Variants in MOCOS observed in about 807,000 individuals in gnomAD.
The protein encoded by MOCOS is human molybdenum cofactor sulfurase.
In MOCOS, 86 loss-of-function variants were observed where a neutral mutation model predicts 83.6. The ratio of observed to expected loss-of-function variants is 1.03; its 90% confidence interval spans 0.86 to 1.23. The LOEUF (loss-of-function observed/expected upper bound fraction) is 1.23, where lower values mean the gene tolerates loss of function less well. MOCOS is among the 50% of genes most tolerant of loss of function. The probability of loss-of-function intolerance (pLI) is 0.00; values close to 1 mark genes in which losing one functional copy is unlikely to be tolerated. For synonymous variants in MOCOS, 445 were observed against 434.7 expected (o/e 1.02, Z -0.29); for missense variants, 1,120 against 1,126.9 (o/e 0.99, Z 0.09).
intron 1 of MOCOS, among the ~76,000 whole-genome samples, chr18:36,191,754 A>G (rs889537024): frequency 5.4e-5 from 5 of 92,644 alleles, no homozygotes; most frequent in African/African-American, 1.2e-4. Flanking sequence ...ACGTGTGCAC[A>G]CACACACACA....
Position 36,240,090 on chromosome 18 carries a change from G to A in MOCOS, c.1961-8832G>A, listed in dbSNP as rs879650322. Among the ~76,000 whole-genome samples, 883 of 124,962 alleles carry A rather than the reference G, an allele frequency of 7.1e-3. 9 individuals carry two copies. Among genetic ancestry groups the A allele is most frequent in the African/African-American group, 0.026 (826 of 31,754 alleles). 82.0% of individuals were successfully genotyped at this position (124,962 alleles called of 152,430 possible). A position where few individuals can be genotyped will look rare whatever the true frequency, so the allele number is the denominator to read the frequency against. ...TTGCCTTTGGTTTGAATGTCCTCCC[G>A]TAGCTCAGAGTAATTTGATCGTCTG... is the stretch of plus-strand genomic sequence containing the variant. On this transcript the variant is annotated intron_variant, in intron 9 of 14. Transcript: ENST00000261326.
intron 1 of MOCOS, chr18:36,190,269 A>G (rs2091359781): frequency 6.6e-6 from 1 of 152,182 alleles, no homozygotes; most frequent in Non-Finnish European, 1.5e-5. Context: ...TTGTTTTAAA[A>G]GTATCTTTTT....
chr18:36,194,280 A>G (rs2091378126), intron 1 of MOCOS, among the ~76,000 whole-genome samples: 1 of 152,240 alleles, frequency 6.6e-6, no homozygotes, highest in African/African-American at 2.4e-5. Context: ...ATTTTATGTT[A>G]TATCTCAATA....
intron 4 of MOCOS, among the ~76,000 whole-genome samples, chr18:36,200,527 C>T (rs907407599): frequency 6.6e-6 from 1 of 152,078 alleles, no homozygotes; most frequent in African/African-American, 2.4e-5. Flanking sequence ...TGAACTCTAC[C>T]CCCATTTGAG....
At chr18:36,239,916 G>T (rs1239233824) in intron 9 of MOCOS, among the ~76,000 whole-genome samples, 6 of 151,514 alleles carry the variant, frequency 4.0e-5, no homozygotes, top group Non-Finnish European at 7.4e-5. Context: ...CTTTCTTCCA[G>T]TTGATCACAT....
Position 36,193,243 on chromosome 18 carries a change from G to A in MOCOS, c.143-2014G>A, listed in dbSNP as rs868420146. 1.5e-4 allele frequency among the ~76,000 whole-genome samples: 22 copies of A among 145,084 alleles called. No individual in the cohort carries two copies. In the South Asian group the frequency reaches 4.1e-3, roughly 27 times the overall value. On this transcript the variant is annotated intron_variant, in intron 1 of 14. Coordinates refer to ENST00000261326, the MANE Select transcript of MOCOS (RefSeq NM_017947.4). ...GGAGAATGGTGTGAACCCGGGAAGC[G>A]GAGCTTGCAGTGAGCCGAGATTGCG...
At chr18:36,216,085 T>G (rs1330458242) in intron 8 of MOCOS, 108 bp downstream of exon 8, 2 of 1,210,664 alleles carry the variant, frequency 1.7e-6, no homozygotes, top group Non-Finnish European at 2.3e-6. Flanking sequence ...CATCAGAGTG[T>G]TGTGGTGAGA....
chr18:36,195,232 G>A (rs1013753907), intron 1 of MOCOS, 25 bp from the exon 2 acceptor site: 1 of 1,602,564 alleles, frequency 6.2e-7, no homozygotes, highest in Non-Finnish European at 8.5e-7. Flanking sequence ...TAAAATTTTA[G>A]TATTTATTTT....
At chr18:36,207,223 G>C (rs1598874753) in intron 6 of MOCOS, among the ~76,000 whole-genome samples, 1 of 152,114 alleles carries the variant, frequency 6.6e-6, no homozygotes, top group Non-Finnish European at 1.5e-5. Context: ...TTTTAGTAGA[G>C]ACAGGGTTTC....
chr18:36,205,689 GGT>G (rs2091432177), intron 6 of MOCOS, among the ~76,000 whole-genome samples: 1 of 152,106 alleles, frequency 6.6e-6, no homozygotes, highest in African/African-American at 2.4e-5. Context: ...TCAATCGTTG[GGT>G]GTTTGGAAGA....
At chr18:36,241,017 A>T (rs1317460456) in intron 9 of MOCOS, among the ~76,000 whole-genome samples, 1 of 152,028 alleles carries the variant, frequency 6.6e-6, no homozygotes, top group Non-Finnish European at 1.5e-5. Context: ...GCACCCACTG[A>T]CCTGCACCCA....
intron 11 of MOCOS, among the ~76,000 whole-genome samples, chr18:36,254,764 A>G (rs1006494257): frequency 1.3e-5 from 2 of 151,942 alleles, no homozygotes; most frequent in Non-Finnish European, 2.9e-5. Context: ...ATTGACTACT[A>G]CCCTATCATA....
chr18:36,223,647 A>T (rs1871439407), intron 9 of MOCOS, among the ~76,000 whole-genome samples: 1 of 152,170 alleles, frequency 6.6e-6, no homozygotes, highest in Non-Finnish European at 1.5e-5. Context: ...TGCGATTTTG[A>T]TAGGGATTGC....
chr18:36,238,148 A>G (rs1273994468), intron 9 of MOCOS, among the ~76,000 whole-genome samples: 4 of 138,656 alleles, frequency 2.9e-5, no homozygotes, highest in Admixed American at 2.2e-4. Flanking sequence ...TTCTGCTCTG[A>G]TTTTAGTTAT....
At chr18:36,214,118 G>A (rs1475653483) in intron 7 of MOCOS, among the ~76,000 whole-genome samples, 2 of 151,560 alleles carry the variant, frequency 1.3e-5, no homozygotes, top group South Asian at 2.1e-4. Flanking sequence ...GTGCATGCCT[G>A]TAATCCTAGC....
intron 9 of MOCOS, among the ~76,000 whole-genome samples, chr18:36,227,384 G>T (rs927988812): frequency 2.6e-5 from 4 of 151,084 alleles, no homozygotes; most frequent in Admixed American, 2.0e-4. Context: ...GATATGTGCT[G>T]CCATGCCCAG....
chr18:36,203,094 C>T lies in MOCOS; in HGVS notation c.942-19C>T, dbSNP rs755119264. On this transcript the variant is annotated intron_variant, in intron 4 of 14. Coordinates refer to ENST00000261326, the MANE Select transcript of MOCOS (RefSeq NM_017947.4). ...TTTTGACCACAGCTTGACCTGTTCT[C>T]CTTACCCCGTGGTTATAGGTTTGAA... is the stretch of plus-strand genomic sequence containing the variant. The T allele has an allele frequency of 1.2e-6, 2 of 1,611,558 alleles. No homozygotes were observed. Among genetic ancestry groups the T allele is most frequent in the South Asian group, 2.2e-5 (2 of 91,032 alleles).
At chr18:36,199,593 A>C in intron 3 of MOCOS, 90 bp from the exon 4 acceptor site, 2 of 1,584,072 alleles carry the variant, frequency 1.3e-6, no homozygotes, top group East Asian at 4.5e-5. Flanking sequence ...TAAGGTAGAG[A>C]TGTCATAGTT....
chr18:36,244,112 A>G (rs1253370175), intron 9 of MOCOS, among the ~76,000 whole-genome samples: 3 of 149,900 alleles, frequency 2.0e-5, no homozygotes, highest in Non-Finnish European at 4.5e-5. Flanking sequence ...GTTTGTTTCA[A>G]TTTCATTTAG....
Sources: gnomAD v4.1 joint callset for allele counts (sites outside exome capture counted in the v4.1 genomes callset) on GRCh38, gnomAD v4.1.1 for gene constraint, MANE v1.5 for transcripts, NCBI Gene and HGNC (gene_info 2026-07-23, HGNC 2026-07-21) for gene names.